CPT1A: variants seen among roughly 807,000 people sequenced by gnomAD.
CPT1A encodes carnitine palmitoyltransferase 1A.
A neutral mutation model predicts 100.8 loss-of-function variants in CPT1A; 64 were observed. The observed-to-expected ratio is 0.63, with a 90% confidence interval of 0.52 to 0.78. The LOEUF is 0.78. CPT1A is among the 30% of genes least tolerant of loss of function. The probability of loss-of-function intolerance (pLI) is 0.00; values close to 1 mark genes in which losing one functional copy is unlikely to be tolerated. For missense variants in CPT1A, 802 were observed against 1,034.1 expected (o/e 0.78, Z 3.08); for synonymous variants, 363 against 396.0 (o/e 0.92, Z 0.99).
chr11:68,781,677 C>T (rs373672556), intron 11 of CPT1A, 94 bp downstream of exon 11: 2 of 1,062,460 alleles, frequency 1.9e-6, no homozygotes, highest in South Asian at 2.5e-5. Context: ...TCTTTCTTAG[C>T]ATTATAGATA....
chr11:68,841,189 C>A lies in CPT1A; in HGVS notation c.-14+586G>T, dbSNP rs532594628. 1.4e-3 allele frequency among the ~76,000 whole-genome samples: 214 copies of A among 152,302 alleles called. No homozygotes were observed. Among genetic ancestry groups the A allele is most frequent in the Middle Eastern group, 0.01 (3 of 294 alleles). ...GCCGAGCACCCCTCCCTCAGCCGCA[C>A]TGCACCTGCCCGTAGGTGACCAACC... is the stretch of plus-strand genomic sequence containing the variant. On this transcript the variant is annotated intron_variant, in intron 1 of 18. Coordinates refer to ENST00000265641, the MANE Select transcript of CPT1A (RefSeq NM_001876.4). The surrounding 1 kb of genome is among the most constrained non-coding windows in gnomAD (Gnocchi z 6.3).
intron 4 of CPT1A, 126 bp downstream of exon 4, chr11:68,807,341 G>A (rs1414298820): frequency 1.0e-6 from 1 of 961,352 alleles, no homozygotes; most frequent in African/African-American, 1.6e-5. Flanking sequence ...ATTCAAGGTT[G>A]AGGCCCAAGT....
chr11:68,816,916 T>TGTGTGTG (rs1566378878), intron 1 of CPT1A, among the ~76,000 whole-genome samples: 1 of 10,810 alleles, frequency 9.3e-5, no homozygotes, highest in Non-Finnish European at 3.3e-4. Flanking sequence ...GTGTGTGTGG[T>TGTGTGTG]GTGTGTGTGG....
rs745460525 is a variant in CPT1A at position 68,799,177 on chromosome 11, CGGA to C, written c.693+38_693+40del. ...GCCCCTCAAAATTAGCGTCTTCATA[CGGA>C]AAAATTTCATCAAGAAAAACTGTGT... On this transcript the variant is annotated intron_variant, in intron 6 of 18. Transcript: ENST00000265641. 51 of 277,170 alleles carry C rather than the reference CGGA, an allele frequency of 1.8e-4. 1 individual carries two copies. The highest frequency in any genetic ancestry group is 9.2e-4 in the Admixed American group (12 of 12,996). 17.2% of individuals were successfully genotyped at this position (277,170 alleles called of 1,614,324 possible).
chr11:68,770,736 A>C (rs1191579365), intron 14 of CPT1A, among the ~76,000 whole-genome samples: 1 of 152,186 alleles, frequency 6.6e-6, no homozygotes, highest in Non-Finnish European at 1.5e-5. Flanking sequence ...ACTGTGGGTG[A>C]CTATTCTTTT....
chr11:68,803,370 A>G (rs10791999), intron 5 of CPT1A, among the ~76,000 whole-genome samples: 139,933 of 152,188 alleles, frequency 0.92, 64,890 homozygotes, highest in Non-Finnish European at 0.98. Flanking sequence ...AGAATGGGGA[A>G]TGACTGCAAT....
At chr11:68,800,620 C>T (rs1855881910) in intron 5 of CPT1A, among the ~76,000 whole-genome samples, 1 of 150,968 alleles carries the variant, frequency 6.6e-6, no homozygotes, top group African/African-American at 2.4e-5. Flanking sequence ...GAGCCATGAT[C>T]ACACCACTGC....
At chr11:68,806,839 G>T (rs1266480388) in intron 4 of CPT1A, among the ~76,000 whole-genome samples, 1 of 151,980 alleles carries the variant, frequency 6.6e-6, no homozygotes, top group African/African-American at 2.4e-5. Flanking sequence ...TGAGGCAAAA[G>T]AATTGCTTGA....
At chr11:68,766,182 T>C (rs1298256928) in intron 14 of CPT1A, among the ~76,000 whole-genome samples, 1 of 151,998 alleles carries the variant, frequency 6.6e-6, no homozygotes, top group Non-Finnish European at 1.5e-5. Flanking sequence ...TTATTGTGCA[T>C]AACCTTGAAG....
At chr11:68,829,633 T>C (rs1029516711) in intron 1 of CPT1A, among the ~76,000 whole-genome samples, 2 of 152,248 alleles carry the variant, frequency 1.3e-5, no homozygotes, top group Non-Finnish European at 2.9e-5. Context: ...CACTCACTCG[T>C]TCCCACAAAT....
At chr11:68,800,335 C>A (rs1034492217) in intron 5 of CPT1A, among the ~76,000 whole-genome samples, 3 of 152,068 alleles carry the variant, frequency 2.0e-5, no homozygotes, top group African/African-American at 7.2e-5. Flanking sequence ...CACACCTAAG[C>A]AAGCTCTTAC....
At chr11:68,797,061 G>A in intron 6 of CPT1A, 128 bp from the exon 7 acceptor site, 1 of 809,980 alleles carries the variant, frequency 1.2e-6, no homozygotes, top group Non-Finnish European at 2.1e-6. Context: ...TCTAACAGGG[G>A]CCATTCCAGA....
chr11:68,773,581 G>T, intron 13 of CPT1A, 152 bp from the exon 14 acceptor site: 1 of 1,408,726 alleles, frequency 7.1e-7, no homozygotes, highest in Non-Finnish European at 9.6e-7. Context: ...GCCCTAGTAA[G>T]TTAGGGGCAT....
chr11:68,839,689 G>C, intron 1 of CPT1A: 25 of 985,510 alleles, frequency 2.5e-5, no homozygotes, highest in Non-Finnish European at 3.0e-5. Flanking sequence ...GCGTCTAAAA[G>C]GGGCTCACTG....
At chr11:68,827,916 T>G (rs555628992) in intron 1 of CPT1A, among the ~76,000 whole-genome samples, 20 of 152,308 alleles carry the variant, frequency 1.3e-4, no homozygotes, top group African/African-American at 4.6e-4. Context: ...ACCCCCCTGC[T>G]GGCAGGAACC....
At chr11:68,812,311 G>A (rs1256337437) in intron 3 of CPT1A, 126 bp downstream of exon 3, 1 of 1,351,896 alleles carries the variant, frequency 7.4e-7, no homozygotes, top group Admixed American at 1.7e-5. Flanking sequence ...AAGCTGACGT[G>A]AGAACAGCAT....
rs900349852 is a variant in CPT1A at position 68,757,723 on chromosome 11, T to A, written c.2243A>T (p.His748Leu). ...SKFSCPETDS[H>L]RFGRHLKEAM... ...TTCTTTCAGGTGCCTTCCAAAGCGATGAGAATCCTTTCATGTAAAAACAAA... is the reference window on the plus strand; with the variant it reads ...TTCTTTCAGGTGCCTTCCAAAGCGAAGAGAATCCTTTCATGTAAAAACAAA... Residue 748 changes from histidine to leucine, a missense_variant, in exon 19 of 19, where the codon CAT (histidine) becomes CTT (leucine). His to Leu is a moderately conservative substitution (Grantham distance 99). This residue lies in a region of CPT1A where 627 missense variants were observed against 799.3 expected (regional missense o/e 0.78). Coordinates refer to ENST00000265641, the MANE Select transcript of CPT1A (RefSeq NM_001876.4). The A allele has an allele frequency of 6.8e-6, 11 of 1,613,124 alleles. No individual in the cohort carries two copies. Among genetic ancestry groups the A allele is most frequent in the African/African-American group, 1.3e-5 (1 of 74,918 alleles).
chr11:68,829,825 G>A (rs903069856), intron 1 of CPT1A, among the ~76,000 whole-genome samples: 10 of 151,812 alleles, frequency 6.6e-5, no homozygotes, highest in Admixed American at 2.6e-4. Flanking sequence ...ACACCCCGGC[G>A]GCCTCCACCA....
intron 10 of CPT1A, among the ~76,000 whole-genome samples, chr11:68,783,613 A>G (rs553358373): frequency 8.9e-4 from 135 of 152,334 alleles, no homozygotes; most frequent in African/African-American, 3.2e-3. Flanking sequence ...ACACTGCTGG[A>G]ACGCAGCAGC....
Sources: allele counts gnomAD v4.1 joint callset (sites outside exome capture counted in the v4.1 genomes callset), GRCh38; gene constraint gnomAD v4.1.1; regional missense constraint gnomAD v4.1.1; non-coding constraint Gnocchi (gnomAD v3.1); transcripts MANE v1.5; gene names NCBI Gene and HGNC (gene_info 2026-07-23, HGNC 2026-07-21).